The following ITGA9 variants were observed in gnomAD, a reference collection of about 807,000 sequenced individuals.
ITGA9 encodes the protein integrin alpha-9.
Under a neutral mutation model 127.8 loss-of-function variants are expected in ITGA9, and 56 were observed. That is an observed-to-expected ratio of 0.44 (90% CI 0.35 to 0.55). The LOEUF is 0.55. ITGA9 is among the 20% of genes least tolerant of loss of function. The probability of loss-of-function intolerance (pLI) is 0.00; values close to 1 mark genes in which losing one functional copy is unlikely to be tolerated. For missense variants in ITGA9, 1,196 were observed against 1,347.1 expected, an observed-to-expected ratio of 0.89 and a Z score of 1.76; for synonymous variants, 508 against 514.5, an observed-to-expected ratio of 0.99 and a Z score of 0.17.
At chr3:37,716,211 C>A (rs1701133420) in intron 18 of ITGA9, among the ~76,000 whole-genome samples, 1 of 152,284 alleles carries the variant, frequency 6.6e-6, no homozygotes, top group African/African-American at 2.4e-5. Flanking sequence ...ACAAAAGACA[C>A]ACAGGTGGTG....
intron 15 of ITGA9, among the ~76,000 whole-genome samples, chr3:37,621,743 G>T (rs1700130774): frequency 6.6e-6 from 1 of 152,176 alleles, no homozygotes; most frequent in African/African-American, 2.4e-5. Flanking sequence ...ACCCTCCTGA[G>T]CACTGATGCT....
intron 25 of ITGA9, among the ~76,000 whole-genome samples, chr3:37,784,585 T>C (rs1306879363): frequency 6.6e-6 from 1 of 152,236 alleles, no homozygotes; most frequent in Non-Finnish European, 1.5e-5. Flanking sequence ...CTATAAAATG[T>C]AGATCAGATG....
At chr3:37,757,088 T>C (rs9869904) in intron 23 of ITGA9, among the ~76,000 whole-genome samples, 9,503 of 151,492 alleles carry the variant, frequency 0.063, 1,063 homozygotes, top group African/African-American at 0.21. Context: ...GTGAACTAAA[T>C]TGACAACATA....
intron 18 of ITGA9, among the ~76,000 whole-genome samples, chr3:37,707,629 C>T (rs990978334): frequency 6.6e-6 from 1 of 152,212 alleles, no homozygotes; most frequent in African/African-American, 2.4e-5. Context: ...CATTCTGCTT[C>T]TCTCCAGGCC....
chr3:37,759,836 C>A (rs867953799), intron 23 of ITGA9, among the ~76,000 whole-genome samples: 4 of 150,720 alleles, frequency 2.7e-5, no homozygotes, highest in South Asian at 2.1e-4. Flanking sequence ...ACCCGGGAAG[C>A]AGAGATTGCA....
intron 14 of ITGA9, among the ~76,000 whole-genome samples, chr3:37,537,871 G>A (rs973110749): frequency 6.6e-6 from 1 of 152,222 alleles, no homozygotes; most frequent in African/African-American, 2.4e-5. Flanking sequence ...AGTTCTTCCT[G>A]TCCCTAATAG....
chr3:37,734,784 G>T (rs765075748), intron 19 of ITGA9, among the ~76,000 whole-genome samples: 1 of 152,188 alleles, frequency 6.6e-6, no homozygotes, highest in Non-Finnish European at 1.5e-5. Context: ...GAGCCACCGT[G>T]CCCAGCCAAC....
chr3:37,641,779 G>C (rs918509950), intron 16 of ITGA9, among the ~76,000 whole-genome samples: 1 of 152,128 alleles, frequency 6.6e-6, no homozygotes, highest in Non-Finnish European at 1.5e-5. Context: ...AAACTTACCA[G>C]GCCTCTGCCT....
intron 15 of ITGA9, among the ~76,000 whole-genome samples, chr3:37,599,693 C>A (rs1262728479): frequency 6.6e-6 from 1 of 152,178 alleles, no homozygotes; most frequent in East Asian, 1.9e-4. Flanking sequence ...AGCCATGATT[C>A]TTTACTTAAC....
At position 37,799,042 on chromosome 3, in the gene ITGA9, A is replaced by G. The variant is rs535591906; in HGVS notation, c.2890-4781A>G. Among the ~76,000 whole-genome samples the G allele has an allele frequency of 6.6e-6, 1 of 152,358 alleles. No homozygotes were observed. Among genetic ancestry groups the G allele is most frequent in the Non-Finnish European group, 1.5e-5 (1 of 68,040 alleles). On this transcript the variant is annotated intron_variant, in intron 26 of 27. Transcript: ENST00000264741. This position sits in a 1 kb window ranked among gnomAD's most constrained non-coding sequence, Gnocchi z 4.0. ...TAGACACTTAGGATATTGCTAATTT[A>G]GTACCAATATAAATAATTCTGCAGT...
chr3:37,470,970 G>C (rs764742971), intron 1 of ITGA9, 37 bp from the exon 2 acceptor site: 2 of 1,613,082 alleles, frequency 1.2e-6, no homozygotes, highest in East Asian at 4.5e-5. Flanking sequence ...TTTTCTTATC[G>C]TAGGTTGTGA....
Position 37,648,826 on chromosome 3 carries a change from T to C in ITGA9, c.1840-4888T>C, listed in dbSNP as rs140044694. On this transcript the variant is annotated intron_variant, in intron 16 of 27. Transcript: ENST00000264741. ...CTATAAAGGTGATGAGTAAATAGCT[T>C]TTATGTCTATGAAGAAAGTTAAAAG... is the stretch of plus-strand genomic sequence containing the variant. Among the ~76,000 whole-genome samples the C allele has an allele frequency of 7.9e-5, 12 of 151,960 alleles. No homozygotes were observed. In the East Asian group the frequency reaches 2.1e-3, roughly 27 times the overall value.
intron 15 of ITGA9, among the ~76,000 whole-genome samples, chr3:37,543,464 G>A (rs1699296374): frequency 6.6e-6 from 1 of 152,138 alleles, no homozygotes; most frequent in African/African-American, 2.4e-5. Flanking sequence ...CTTGAAAGGT[G>A]GTCATCAGGA....
chr3:37,579,808 G>A (rs575515386), intron 15 of ITGA9, among the ~76,000 whole-genome samples: 4 of 152,204 alleles, frequency 2.6e-5, no homozygotes, highest in African/African-American at 9.6e-5. Context: ...CAAGCCAGGG[G>A]CCCACATGTT....
chr3:37,645,768 C>T (rs1286218653), intron 16 of ITGA9, among the ~76,000 whole-genome samples: 2 of 152,104 alleles, frequency 1.3e-5, no homozygotes, highest in Admixed American at 6.5e-5. Context: ...AGAAACTGAT[C>T]CTCCTCTGAA....
chr3:37,639,653 G>A (rs1014900535), intron 16 of ITGA9, among the ~76,000 whole-genome samples: 6 of 152,170 alleles, frequency 3.9e-5, no homozygotes, highest in Admixed American at 3.3e-4. Context: ...GCAGTTTGGG[G>A]AGATCGTAGA....
intron 15 of ITGA9, among the ~76,000 whole-genome samples, chr3:37,596,475 C>A (rs1451774247): frequency 1.3e-5 from 2 of 152,128 alleles, no homozygotes; most frequent in Non-Finnish European, 2.9e-5. Context: ...AGGAGGAGAC[C>A]AGACAGGTCT....
intron 15 of ITGA9, among the ~76,000 whole-genome samples, chr3:37,606,319 C>T (rs907860469): frequency 7.2e-5 from 11 of 152,146 alleles, no homozygotes; most frequent in African/African-American, 9.7e-5. Flanking sequence ...TTCACTGGAA[C>T]GGAGCTGCAA....
At chr3:37,641,744 C>T (rs572313757) in intron 16 of ITGA9, among the ~76,000 whole-genome samples, 10 of 152,272 alleles carry the variant, frequency 6.6e-5, no homozygotes, top group African/African-American at 1.9e-4. Flanking sequence ...CAGCGCCACC[C>T]GCATACTGCA....
Sources: allele counts gnomAD v4.1 joint callset (sites outside exome capture counted in the v4.1 genomes callset), GRCh38; gene constraint gnomAD v4.1.1; non-coding constraint Gnocchi (gnomAD v3.1); transcripts MANE v1.5; gene names NCBI Gene and HGNC (gene_info 2026-07-23, HGNC 2026-07-21).